The following GCFC2 variants were observed in gnomAD, a reference collection of about 807,000 sequenced individuals.
GCFC2 encodes intron Large complex component GCFC2.
A neutral mutation model predicts 99.4 loss-of-function variants in GCFC2; 102 were observed. The observed-to-expected ratio is 1.03, with a 90% CI of 0.87 to 1.21. The LOEUF (loss-of-function observed/expected upper bound fraction) is 1.21, where lower values mean the gene tolerates loss of function less well. Among genes scored for constraint, GCFC2 ranks in the 50% most tolerant of loss-of-function variants. The pLI, the probability that GCFC2 is intolerant of heterozygous loss-of-function variation, is 0.00. For synonymous variants in GCFC2, 338 were observed against 316.8 expected (o/e 1.07, Z -0.71); for missense variants, 973 against 920.9 (o/e 1.06, Z -0.73).
intron 7 of GCFC2, among the ~76,000 whole-genome samples, chr2:75,691,279 T>C (rs1176858217): frequency 6.6e-6 from 1 of 152,216 alleles, no homozygotes; most frequent in African/African-American, 2.4e-5. Flanking sequence ...ATACGAATGT[T>C]GGGTATCTCT....
Position 75,680,221 on chromosome 2 carries a change from C to G in GCFC2, c.1784G>C (p.Cys595Ser), listed in dbSNP as rs116215825. 6.8e-4 allele frequency: 1,089 copies of G among 1,607,096 alleles called. 6 individuals carry two copies. In the African/African-American group the frequency reaches 0.013, roughly 20 times the overall value. The change falls in exon 12 of 17, where the codon TGT becomes TCT. Residue 595 changes from cysteine to serine, a missense_variant. Coordinates refer to ENST00000321027, the MANE Select transcript of GCFC2 (RefSeq NM_003203.5). ...CRVILEEHSTCENEVSKSRQD... is the reference protein window; with the variant it reads ...CRVILEEHSTSENEVSKSRQD... ...TCTGCTTTTACTAACTTCATTTTCA[C>G]AAGTGGAATGTTCTTCAAGAATCAC...
chr2:75,710,756 C>A lies in GCFC2; in HGVS notation c.100G>T (p.Glu34Ter), dbSNP rs745527110. ...TCCGCAGAACCCGGGACCGGAAGTT[C>A]CCTCGGCGCCCCAGGCTCAGCAGGC... ...ESPAEPGAPRELPVPGSAEEE... is the reference protein window; with the variant it reads ...ESPAEPGAPR Residue 34 changes from glutamate to a stop codon, truncating the protein, a stop_gained, in exon 1 of 17, where the codon GAA (glutamate) becomes TAA (stop). Transcript: ENST00000321027. LOFTEE classifies it high-confidence loss of function. 2.6e-6 allele frequency: 4 copies of A among 1,566,798 alleles called. No homozygotes were observed. The East Asian group carries it at 9.6e-5, about 38-fold the overall frequency.
At chr2:75,707,210 G>C (rs1680911597) in intron 1 of GCFC2, among the ~76,000 whole-genome samples, 1 of 152,182 alleles carries the variant, frequency 6.6e-6, no homozygotes, top group African/African-American at 2.4e-5. Context: ...TCAACGGCTG[G>C]TGGCGAGAAA....
intron 11 of GCFC2, among the ~76,000 whole-genome samples, chr2:75,686,197 C>CACCCCACAAATGCACCAT (rs1201396800): frequency 6.6e-6 from 1 of 152,152 alleles, no homozygotes; most frequent in Non-Finnish European, 1.5e-5. Flanking sequence ...CTTTCTAACA[C>CACCCCACAAATGCACCAT]ACCCCACAAA....
intron 14 of GCFC2, among the ~76,000 whole-genome samples, chr2:75,671,473 A>G (rs982824455): frequency 6.6e-6 from 1 of 152,140 alleles, no homozygotes; most frequent in Non-Finnish European, 1.5e-5. Context: ...TTGATCAGTT[A>G]TCGACTCCTT....
At chr2:75,691,744 AT>A (rs1437209716) in intron 7 of GCFC2, among the ~76,000 whole-genome samples, 1 of 152,194 alleles carries the variant, frequency 6.6e-6, no homozygotes, top group Admixed American at 6.5e-5. Context: ...CTATGTACAT[AT>A]TCTGTCTGAA....
intron 7 of GCFC2, chr2:75,690,951 T>C: frequency 2.7e-6 from 1 of 372,508 alleles, no homozygotes; most frequent in Non-Finnish European, 4.8e-6. Flanking sequence ...TGGTGTACTT[T>C]TGCTGTTGTT....
intron 14 of GCFC2, 97 bp from the exon 15 acceptor site, chr2:75,670,381 A>C: frequency 1.3e-6 from 1 of 767,244 alleles, no homozygotes; most frequent in Non-Finnish European, 2.2e-6. Flanking sequence ...TAAAATTCTC[A>C]CTACAATTAG....
At chr2:75,703,999 G>A (rs1338699314) in intron 2 of GCFC2, among the ~76,000 whole-genome samples, 1 of 152,182 alleles carries the variant, frequency 6.6e-6, no homozygotes, top group Non-Finnish European at 1.5e-5. Flanking sequence ...AAAGGTAACT[G>A]CTCAAGTAAA....
chr2:75,694,849 A>G lies in GCFC2; in HGVS notation c.834-422T>C, dbSNP rs78436572. Among the ~76,000 whole-genome samples the G allele has an allele frequency of 2.1e-3, 321 of 152,240 alleles. 2 individuals are homozygous for G. The highest frequency in any genetic ancestry group is 7.4e-3 in the African/African-American group (307 of 41,576). ...CTTTTTTGTATAAAAACGGGAATAT[A>G]TAAGTATACATGTGCTTATAAAGAT... On this transcript the variant is annotated intron_variant, in intron 5 of 16. Coordinates refer to ENST00000321027, the MANE Select transcript of GCFC2 (RefSeq NM_003203.5).
chr2:75,709,915 T>C (rs1415099018), intron 1 of GCFC2, among the ~76,000 whole-genome samples: 1 of 152,228 alleles, frequency 6.6e-6, no homozygotes, highest in Non-Finnish European at 1.5e-5. Context: ...CTCATTAAGC[T>C]ACAATTCCAA....
rs1250591512 is a variant in GCFC2, at chr2:75,710,760, C to T, written c.96G>A (p.Pro32=). Residue 32 remains proline, a synonymous_variant, in exon 1 of 17, where the codon CCG becomes CCA. Coordinates refer to ENST00000321027, the MANE Select transcript of GCFC2 (RefSeq NM_003203.5). ...AEESPAEPGA[P]RELPVPGSAE... ...CAGAACCCGGGACCGGAAGTTCCCT[C>T]GGCGCCCCAGGCTCAGCAGGCGACT... 7 of 1,568,190 alleles carry T rather than the reference C, an allele frequency of 4.5e-6. No homozygotes were observed. Among genetic ancestry groups the T allele is most frequent in the Non-Finnish European group, 5.2e-6 (6 of 1,161,392 alleles).
chr2:75,690,304 GT>G (rs1680006865), intron 8 of GCFC2, among the ~76,000 whole-genome samples: 1 of 151,940 alleles, frequency 6.6e-6, no homozygotes. Context: ...GTTTTGTTTT[GT>G]TTTCTCTTAT....
intron 1 of GCFC2, among the ~76,000 whole-genome samples, chr2:75,707,499 C>A (rs1219038750): frequency 6.6e-6 from 1 of 151,990 alleles, no homozygotes; most frequent in Non-Finnish European, 1.5e-5. Flanking sequence ...TAATTTTCTA[C>A]CTTAGTTAGA....
At chr2:75,680,619 C>G (rs1163425826) in intron 11 of GCFC2, among the ~76,000 whole-genome samples, 1 of 152,148 alleles carries the variant, frequency 6.6e-6, no homozygotes, top group Non-Finnish European at 1.5e-5. Flanking sequence ...GATCACTATA[C>G]AACTTGAGTG....
chr2:75,702,180 T>C lies in GCFC2; in HGVS notation c.619+19A>G, dbSNP rs1259936366. ...CTAATAAAAAATATCCTAATCTTCA[T>C]ATATTGGTAAATCCATACTTGATTC... On this transcript the variant is annotated intron_variant, in intron 3 of 16. Coordinates refer to ENST00000321027, the MANE Select transcript of GCFC2 (RefSeq NM_003203.5). 10 of 1,594,798 alleles carry C rather than the reference T, an allele frequency of 6.3e-6. No homozygotes were observed. The highest frequency in any genetic ancestry group is 8.6e-6 in the Non-Finnish European group (10 of 1,164,706).
chr2:75,711,241 T>A, upstream of GCFC2: 1 of 984,412 alleles, frequency 1.0e-6, no homozygotes, highest in Non-Finnish European at 1.2e-6. Flanking sequence ...ATCCGTTGTC[T>A]TTTACTTTCT....
At chr2:75,699,712 A>C (rs1197114177) in intron 4 of GCFC2, among the ~76,000 whole-genome samples, 1 of 151,770 alleles carries the variant, frequency 6.6e-6, no homozygotes, top group Non-Finnish European at 1.5e-5. Context: ...AGTGGCTGGG[A>C]CTATAGGCAT....
At chr2:75,711,945 G>C (rs1030842204), upstream of GCFC2, among the ~76,000 whole-genome samples, 2 of 152,266 alleles carry the variant, frequency 1.3e-5, no homozygotes, top group African/African-American at 4.8e-5. Flanking sequence ...ACCACCCAAG[G>C]GCTGAGGAGT....
Sources: gnomAD v4.1 joint callset for allele counts (sites outside exome capture counted in the v4.1 genomes callset) on GRCh38, gnomAD v4.1.1 for gene constraint, MANE v1.5 for transcripts, NCBI Gene and HGNC (gene_info 2026-07-23, HGNC 2026-07-21) for gene names.